Variants in RBFOX3 observed in about 807,000 individuals in gnomAD.
RBFOX3 encodes the protein RNA binding fox-1 homolog 3.
In RBFOX3, 17 loss-of-function variants were observed where a neutral mutation model predicts 48.7. The observed-to-expected ratio is 0.35, with a 90% CI of 0.24 to 0.52. The LOEUF is 0.52. RBFOX3 is among the 20% of genes least tolerant of loss of function. RBFOX3 has a pLI of 0.94. For missense variants in RBFOX3, 382 were observed against 497.5 expected, an observed-to-expected ratio of 0.77 and a Z score of 2.21; for synonymous variants, 212 against 209.5, an observed-to-expected ratio of 1.01 and a Z score of -0.10.
At chr17:79,113,217 G>A (rs148924028) in intron 5 of RBFOX3, among the ~76,000 whole-genome samples, 1 of 152,204 alleles carries the variant, frequency 6.6e-6, no homozygotes, top group East Asian at 1.9e-4. Context: ...GTGAGTGCCG[G>A]GCAGCCTCTG....
At chr17:79,318,980 A>T (rs2077990021) in intron 2 of RBFOX3, among the ~76,000 whole-genome samples, 3 of 152,034 alleles carry the variant, frequency 2.0e-5, no homozygotes. Context: ...ATATGTAACT[A>T]ACCTGCACGT....
chr17:79,371,032 G>A (rs371490806), intron 2 of RBFOX3, among the ~76,000 whole-genome samples: 46 of 152,260 alleles, frequency 3.0e-4, no homozygotes, highest in African/African-American at 9.4e-4. Flanking sequence ...GGACATGCAC[G>A]GCAGGGGACT....
chr17:79,190,582 T>C (rs2054318929), intron 4 of RBFOX3, among the ~76,000 whole-genome samples: 1 of 152,152 alleles, frequency 6.6e-6, no homozygotes, highest in Non-Finnish European at 1.5e-5. Context: ...TTTTTTCCCC[T>C]TGAAGCTCTC....
At chr17:79,596,102 C>T (rs2093562140) in intron 1 of RBFOX3, among the ~76,000 whole-genome samples, 1 of 152,158 alleles carries the variant, frequency 6.6e-6, no homozygotes, top group South Asian at 2.1e-4. Context: ...CATTCCAAGC[C>T]CAGGAAAGAG....
At chr17:79,621,996 T>C in the RBFOX3 span, among the ~76,000 whole-genome samples, 1 of 152,230 alleles carries the variant, frequency 6.6e-6, no homozygotes, top group Non-Finnish European at 1.5e-5. Flanking sequence ...CCCTGAACTG[T>C]GCGTGTCTTT....
Position 79,242,469 on chromosome 17 carries a change from C to T in RBFOX3, c.-73-6664G>A, listed in dbSNP as rs1600183721. On this transcript the variant is annotated intron_variant, in intron 3 of 14. Transcript: ENST00000693108. The surrounding 1 kb of genome is among the most constrained non-coding windows in gnomAD (Gnocchi z 5.8). Reference sequence around the variant, plus strand: ...TGGCTTGTGATGACGGTGATCAGAGCAGGAGAGCCACATCTATTTAATGTG... The same window carrying T: ...TGGCTTGTGATGACGGTGATCAGAGTAGGAGAGCCACATCTATTTAATGTG... Among the ~76,000 whole-genome samples, 1 of 151,910 alleles carries T rather than the reference C, an allele frequency of 6.6e-6. No homozygotes were observed. Among genetic ancestry groups the T allele is most frequent in the Non-Finnish European group, 1.5e-5 (1 of 68,006 alleles).
chr17:79,131,826 T>C (rs1036582758), intron 4 of RBFOX3, among the ~76,000 whole-genome samples: 2 of 152,184 alleles, frequency 1.3e-5, no homozygotes, highest in African/African-American at 4.8e-5. Flanking sequence ...CCCGGCCACC[T>C]GGCCAGAGCC....
In RBFOX3 at chr17:79,443,474, C is replaced by T. The variant is rs948677057; in HGVS notation, c.-175+38980G>A. Among the ~76,000 whole-genome samples, 21 of 152,220 alleles carry T rather than the reference C, an allele frequency of 1.4e-4. No individual in the cohort carries two copies. Among genetic ancestry groups the T allele is most frequent in the African/African-American group, 4.8e-4 (20 of 41,538 alleles). On this transcript the variant is annotated intron_variant, in intron 2 of 14. Coordinates refer to ENST00000693108, the MANE Select transcript of RBFOX3 (RefSeq NM_001350451.2). The surrounding 1 kb of genome is among the most constrained non-coding windows in gnomAD (Gnocchi z 4.4). ...TCGGCTCGCTGCAACCTCTGCCTCCCAGGTTCCAGTGATTCTCCTTGCCTC... is the reference window on the plus strand; with the variant it reads ...TCGGCTCGCTGCAACCTCTGCCTCCTAGGTTCCAGTGATTCTCCTTGCCTC...
chr17:79,394,183 C>T (rs1347725932), intron 2 of RBFOX3, among the ~76,000 whole-genome samples: 1 of 152,246 alleles, frequency 6.6e-6, no homozygotes, highest in Non-Finnish European at 1.5e-5. Context: ...ACACACACAT[C>T]TGAGCCCTCG....
chr17:79,512,567 C>T (rs1254481730), intron 1 of RBFOX3, among the ~76,000 whole-genome samples: 1 of 117,030 alleles, frequency 8.5e-6, no homozygotes, highest in South Asian at 2.8e-4. Flanking sequence ...CAGGGGACAC[C>T]CACCCAGATA....
At chr17:79,643,020 C>G in the RBFOX3 span, among the ~76,000 whole-genome samples, 2 of 152,216 alleles carry the variant, frequency 1.3e-5, no homozygotes, top group African/African-American at 4.8e-5. Context: ...GAGGATCGCT[C>G]AAGCCCAAGA....
At chr17:79,509,484 G>A (rs985642721) in intron 1 of RBFOX3, among the ~76,000 whole-genome samples, 32 of 151,794 alleles carry the variant, frequency 2.1e-4, no homozygotes, top group African/African-American at 5.8e-4. Context: ...GAAACTGACC[G>A]ATGCTCAGGC....
At position 79,390,585 on chromosome 17, in the gene RBFOX3, C is replaced by T. The variant is rs2061263319; in HGVS notation, c.-174-82761G>A. 6.6e-6 allele frequency among the ~76,000 whole-genome samples: 1 copy of T among 151,770 alleles called. No homozygotes were observed. The highest frequency in any genetic ancestry group is 2.1e-4 in the South Asian group (1 of 4,820). ...GTCTGCCTCTCAGGTTCAAGTGATT[C>T]TCCTGCCTCAGCCTCCCAAGTAGCT... On this transcript the variant is annotated intron_variant, in intron 2 of 14. Transcript: ENST00000693108. This position sits in a 1 kb window ranked among gnomAD's most constrained non-coding sequence, Gnocchi z 4.2.
At chr17:79,474,303 C>G (rs936093662) in intron 2 of RBFOX3, among the ~76,000 whole-genome samples, 1 of 152,186 alleles carries the variant, frequency 6.6e-6, no homozygotes, top group Admixed American at 6.5e-5. Flanking sequence ...GTGGAACCTT[C>G]TCATGTTTCT....
chr17:79,557,294 T>C (rs2091849207), intron 1 of RBFOX3, among the ~76,000 whole-genome samples: 1 of 148,910 alleles, frequency 6.7e-6, no homozygotes, highest in South Asian at 2.1e-4. Flanking sequence ...GCAGGTAGCC[T>C]GGAATTCCAA....
At chr17:79,387,976 C>T (rs921845855) in intron 2 of RBFOX3, among the ~76,000 whole-genome samples, 1 of 148,996 alleles carries the variant, frequency 6.7e-6, no homozygotes, top group Non-Finnish European at 1.5e-5. Context: ...GAACGTGTAC[C>T]TGTGTGTGCA....
intron 1 of RBFOX3, among the ~76,000 whole-genome samples, chr17:79,583,182 G>A (rs1049736042): frequency 2.0e-5 from 3 of 152,172 alleles, no homozygotes; most frequent in African/African-American, 2.4e-5. Context: ...GCTCTTCATC[G>A]ACACATGACC....
chr17:79,386,824 G>A (rs866588994), intron 2 of RBFOX3, among the ~76,000 whole-genome samples: 23 of 152,262 alleles, frequency 1.5e-4, no homozygotes, highest in South Asian at 8.3e-4. Context: ...TACCCACCCC[G>A]CCTAGTGGCA....
At chr17:79,187,306 TTCCCCTTCCAGGC>T (rs1257986950) in intron 4 of RBFOX3, among the ~76,000 whole-genome samples, 3 of 152,140 alleles carry the variant, frequency 2.0e-5, no homozygotes, top group African/African-American at 7.2e-5. Context: ...CTGCCCCTCT[TTCCCCTTCCAGGC>T]GCCCAGGCCG....
Sources: allele counts gnomAD v4.1 joint callset (sites outside exome capture counted in the v4.1 genomes callset), GRCh38; gene constraint gnomAD v4.1.1; non-coding constraint Gnocchi (gnomAD v3.1); transcripts MANE v1.5; gene names NCBI Gene and HGNC (gene_info 2026-07-23, HGNC 2026-07-21).